The following ANO4 variants were observed in gnomAD, a reference collection of about 807,000 sequenced individuals.
ANO4 encodes the protein anoctamin-4.
In ANO4, 69 loss-of-function variants were observed where a neutral mutation model predicts 141.9. That is an observed-to-expected ratio of 0.49 (90% CI 0.40 to 0.59). The LOEUF (loss-of-function observed/expected upper bound fraction) is 0.59. ANO4 is among the 20% of genes least tolerant of loss of function. The pLI is 0.00. For missense variants in ANO4, 894 were observed against 1,162.2 expected (o/e 0.77, Z 3.36); for synonymous variants, 350 against 394.3 (o/e 0.89, Z 1.33).
At chr12:101,100,860 A>G (rs1194121235) in intron 22 of ANO4, among the ~76,000 whole-genome samples, 1 of 152,236 alleles carries the variant, frequency 6.6e-6, no homozygotes, top group Non-Finnish European at 1.5e-5. Flanking sequence ...AAAAGTGTAT[A>G]TAAGTGTAGA....
intron 1 of ANO4, among the ~76,000 whole-genome samples, chr12:100,890,918 C>T (rs967906517): frequency 3.3e-5 from 5 of 152,198 alleles, no homozygotes; most frequent in African/African-American, 9.6e-5. Context: ...TTTTATTGCC[C>T]TAAAAATCCC....
At chr12:100,747,671 G>A (rs142218184) in intron 3 of ANO4, among the ~76,000 whole-genome samples, 2 of 152,224 alleles carry the variant, frequency 1.3e-5, no homozygotes, top group Non-Finnish European at 2.9e-5. Flanking sequence ...TCAGGAGTTC[G>A]AGATCACCTT....
rs755711465 is a variant in ANO4 at position 101,120,605 on chromosome 12, G to T, written c.2656G>T (p.Ala886Ser). Residue 886 changes from alanine (A) to serine (S), a missense_variant, in exon 26 of 28, where the codon GCT becomes TCT. By Grantham distance (99) the Ala-to-Ser change is moderately conservative. Coordinates refer to ENST00000392977, the MANE Select transcript of ANO4 (RefSeq NM_001286615.2). Reference protein sequence around the residue: ...QFWHVLAARLAFIIVFEHLVF... With the variant: ...QFWHVLAARLSFIIVFEHLVF... ...TTGGCATGTCCTAGCTGCTCGATTA[G>T]CTTTTATCATTGTCTTTGAGGTAAG... 1 of 1,613,934 alleles carries T rather than the reference G, an allele frequency of 6.2e-7. No individual in the cohort carries two copies. Among genetic ancestry groups the T allele is most frequent in the East Asian group, 2.2e-5 (1 of 44,864 alleles).
intron 14 of ANO4, among the ~76,000 whole-genome samples, chr12:101,059,841 A>C (rs551858016): frequency 6.6e-6 from 1 of 151,896 alleles, no homozygotes; most frequent in African/African-American, 2.4e-5. Context: ...TTCTTGGATT[A>C]TTTGATATTT....
intron 5 of ANO4, among the ~76,000 whole-genome samples, chr12:100,963,152 T>C (rs2043497066): frequency 6.6e-6 from 1 of 152,092 alleles, no homozygotes; most frequent in African/African-American, 2.4e-5. Flanking sequence ...AGGTACCAGG[T>C]GCCACAATGA....
At chr12:100,878,048 A>G (rs1008707704) in intron 1 of ANO4, among the ~76,000 whole-genome samples, 2 of 152,082 alleles carry the variant, frequency 1.3e-5, no homozygotes, top group Non-Finnish European at 2.9e-5. Flanking sequence ...TACTAGCATT[A>G]TCTAAAAAGG....
At chr12:100,717,665 G>C (rs966655728) in intron 1 of ANO4, 4 of 396,326 alleles carry the variant, frequency 1.0e-5, no homozygotes, top group Admixed American at 4.4e-5. Context: ...CTGGAAGGGA[G>C]GGAGACGGCG....
chr12:100,837,166 A>C (rs1215872490), intron 1 of ANO4, among the ~76,000 whole-genome samples: 1 of 152,190 alleles, frequency 6.6e-6, no homozygotes, highest in East Asian at 1.9e-4. Flanking sequence ...ATTGTTAATA[A>C]AAATGTTGAT....
chr12:100,737,589 A>G (rs565912918), intron 2 of ANO4, among the ~76,000 whole-genome samples: 192 of 152,304 alleles, frequency 1.3e-3, no homozygotes, highest in African/African-American at 4.5e-3. Flanking sequence ...ACAGATTCCC[A>G]AATGAAGTCG....
chr12:100,786,975 G>A (rs1191856105), intron 3 of ANO4, among the ~76,000 whole-genome samples: 3 of 152,106 alleles, frequency 2.0e-5, no homozygotes, highest in Non-Finnish European at 4.4e-5. Context: ...TAGAAAGATA[G>A]GTAAAAACAC....
At chr12:100,975,780 T>G (rs2044156638) in intron 7 of ANO4, among the ~76,000 whole-genome samples, 2 of 151,992 alleles carry the variant, frequency 1.3e-5, no homozygotes, top group South Asian at 4.2e-4. Context: ...CTCCACTATA[T>G]GTAATTTGAA....
At chr12:101,047,283 TGATA>T (rs1042085778) in intron 13 of ANO4, among the ~76,000 whole-genome samples, 3 of 152,030 alleles carry the variant, frequency 2.0e-5, no homozygotes, top group Non-Finnish European at 2.9e-5. Flanking sequence ...CAACAAACTC[TGATA>T]GATAGCACAG....
At chr12:101,061,965 G>A (rs184003785) in intron 14 of ANO4, among the ~76,000 whole-genome samples, 49 of 152,064 alleles carry the variant, frequency 3.2e-4, no homozygotes, top group Admixed American at 1.7e-3. Flanking sequence ...GAGGCATTCT[G>A]GTTTTTGGAA....
At chr12:101,031,591 G>T (rs149471602) in intron 9 of ANO4, among the ~76,000 whole-genome samples, 5,192 of 152,180 alleles carry the variant, frequency 0.034, 133 homozygotes, top group Non-Finnish European at 0.055. Flanking sequence ...GGACAATCAG[G>T]CAAGAGAAAG....
At chr12:101,099,473 G>A in intron 21 of ANO4, 105 bp from the exon 22 acceptor site, 1 of 1,145,598 alleles carries the variant, frequency 8.7e-7, no homozygotes, top group Non-Finnish European at 1.2e-6. Flanking sequence ...AGCCTGTCCT[G>A]AATTTTTTCA....
At chr12:100,853,282 A>T (rs565766079) in intron 1 of ANO4, among the ~76,000 whole-genome samples, 259 of 152,298 alleles carry the variant, frequency 1.7e-3, no homozygotes, top group African/African-American at 6.0e-3. Flanking sequence ...TTTTGTGAAC[A>T]GAAGTTTTTA....
intron 1 of ANO4, among the ~76,000 whole-genome samples, chr12:100,833,148 G>A (rs1358239352): frequency 6.6e-6 from 1 of 152,052 alleles, no homozygotes; most frequent in Non-Finnish European, 1.5e-5. Flanking sequence ...TCAGGAACTG[G>A]AGAGGGTAAT....
chr12:100,731,311 A>G (rs7970618), intron 1 of ANO4, among the ~76,000 whole-genome samples: 1 of 151,932 alleles, frequency 6.6e-6, no homozygotes, highest in Non-Finnish European at 1.5e-5. Context: ...TATTAGACAA[A>G]ATGTATTTAT....
intron 8 of ANO4, among the ~76,000 whole-genome samples, chr12:100,988,718 A>T (rs929362672): frequency 6.6e-6 from 1 of 151,746 alleles, no homozygotes. Flanking sequence ...TAAAAACACA[A>T]AAATTAGCTG....
Sources: allele counts gnomAD v4.1 joint callset (sites outside exome capture counted in the v4.1 genomes callset), GRCh38; gene constraint gnomAD v4.1.1; transcripts MANE v1.5; gene names NCBI Gene and HGNC (gene_info 2026-07-23, HGNC 2026-07-21).